USP54: variants seen among roughly 807,000 people sequenced by gnomAD.
The protein encoded by USP54 is ubiquitin carboxyl-terminal hydrolase 54.
USP54 carries 87 observed loss-of-function variants against 170.5 expected under a neutral mutation model. The observed-to-expected ratio is 0.51, with a 90% CI of 0.43 to 0.61. USP54 has a LOEUF of 0.61. Among genes scored for constraint, USP54 ranks in the 20% least tolerant of loss-of-function variants. The pLI, the probability that USP54 is intolerant of heterozygous loss-of-function variation, is 0.00. For synonymous variants in USP54, 655 were observed against 742.8 expected, an observed-to-expected ratio of 0.88 and a Z score of 1.92; for missense variants, 1,786 against 2,047.8, an observed-to-expected ratio of 0.87 and a Z score of 2.47.
intron 1 of USP54, among the ~76,000 whole-genome samples, chr10:73,605,717 C>T (rs1337421202): frequency 4.6e-5 from 7 of 151,956 alleles, no homozygotes; most frequent in East Asian, 1.9e-4. Context: ...CATTATACTA[C>T]GTGAAATAAG....
intron 23 of USP54, 119 bp downstream of exon 23, chr10:73,500,536 A>G (rs967454669): frequency 6.3e-5 from 59 of 935,280 alleles, no homozygotes; most frequent in Non-Finnish European, 1.4e-5. Flanking sequence ...AGTAATTCAT[A>G]TCTTCACACC....
Position 73,539,449 on chromosome 10 carries a change from T to G in USP54, c.970A>C (p.Lys324Gln). Residue 324 changes from lysine to glutamine, a missense_variant, in exon 10 of 24, where the codon AAG becomes CAG. Around this residue, in one of 3 missense-constraint regions of USP54, gnomAD observed 361 missense variants for 455.0 expected, o/e 0.79. Transcript: ENST00000687698. ...AAGGACTTGACTACTCCTACCTCCT[T>G]GACATGAGCATCATCAAAATACATC... ...KWMYFDDAHV[K>Q]EIGPKWKDVV... 3 of 1,610,124 alleles carry G rather than the reference T, an allele frequency of 1.9e-6. No homozygotes were observed. The highest frequency in any genetic ancestry group is 2.5e-6 in the Non-Finnish European group (3 of 1,177,572).
At chr10:73,548,123 T>C (rs1296135172) in intron 4 of USP54, among the ~76,000 whole-genome samples, 1 of 151,896 alleles carries the variant, frequency 6.6e-6, no homozygotes, top group African/African-American at 2.4e-5. Context: ...AACAGACACA[T>C]GAAAAAATGC....
rs769214090 is a variant in USP54 at position 73,504,869 on chromosome 10, G to A, written c.4292C>T (p.Pro1431Leu). Residue 1431 changes from proline (P) to leucine (L), a missense_variant, in exon 22 of 24, where the codon CCG (proline) becomes CTG (leucine). This residue lies in a region of USP54 where 1,418 missense variants were observed against 1,569.0 expected (regional missense o/e 0.90). Coordinates refer to ENST00000687698, the MANE Select transcript of USP54 (RefSeq NM_001391956.1). The part of the protein sequence containing the change: ...GTVVSEREEA[P>L]VSSHSFDSSN... Reference sequence around the variant, plus strand: ...ACTTACAAAACTGTGGGAAGAAACCGGAGCTTCCTCCCTCTCTGAGACAAC... The same window carrying A: ...ACTTACAAAACTGTGGGAAGAAACCAGAGCTTCCTCCCTCTCTGAGACAAC... 4.4e-5 allele frequency: 71 copies of A among 1,614,124 alleles called. No homozygotes were observed. The Middle Eastern group carries it at 1.2e-3, about 26-fold the overall frequency.
chr10:73,511,641 CA>C (rs2060231073), intron 20 of USP54, among the ~76,000 whole-genome samples: 1 of 151,428 alleles, frequency 6.6e-6, no homozygotes, highest in African/African-American at 2.4e-5. Context: ...GCCTGGGCAA[CA>C]GAGCGAGACT....
At chr10:73,614,771 G>A (rs1186205869) in intron 1 of USP54, among the ~76,000 whole-genome samples, 2 of 149,882 alleles carry the variant, frequency 1.3e-5, no homozygotes, top group Non-Finnish European at 2.9e-5. Flanking sequence ...CAGTTAAAGA[G>A]TTAAATAAGC....
At chr10:73,580,168 A>G (rs564132502) in intron 1 of USP54, among the ~76,000 whole-genome samples, 2 of 152,122 alleles carry the variant, frequency 1.3e-5, no homozygotes, top group East Asian at 3.9e-4. Context: ...TACTAAAAAT[A>G]CAAAAATTAG....
intron 1 of USP54, among the ~76,000 whole-genome samples, chr10:73,576,746 T>A (rs1341943829): frequency 6.6e-6 from 1 of 152,220 alleles, no homozygotes; most frequent in African/African-American, 2.4e-5. Context: ...TAAAGCACTT[T>A]TTAAAAGGTG....
rs1187394777 is a variant in USP54, at chr10:73,588,818, A to T, written c.-582+2460T>A. Among the ~76,000 whole-genome samples, 3 of 152,292 alleles carry T rather than the reference A, an allele frequency of 2.0e-5. No individual in the cohort carries two copies. The East Asian group carries it at 5.8e-4, about 29-fold the overall frequency. ...AGTTACTTTGTTTTTTGTATTTCTC[A>T]ATCAACGAATGCTCCTCCCATCTTC... On this transcript the variant is annotated intron_variant, in intron 1 of 23. Coordinates refer to ENST00000687698, the MANE Select transcript of USP54 (RefSeq NM_001391956.1).
At position 73,565,086 on chromosome 10, in the gene USP54, A is replaced by G. The variant is rs76992825; in HGVS notation, c.240+6335T>C. ...AAGATCCTATCTCTAAAAAATAATA[A>G]TACTCAATATGATTGTAGCTTTGGT... On this transcript the variant is annotated intron_variant, in intron 4 of 23. Transcript: ENST00000687698. Among the ~76,000 whole-genome samples the G allele has an allele frequency of 1.0e-3, 157 of 152,098 alleles. 1 individual carries two copies. In the East Asian group the frequency reaches 0.013, roughly 13 times the overall value.
In USP54 at chr10:73,516,750, T is replaced by G. The variant is rs2061148416; in HGVS notation, c.3676A>C (p.Arg1226=). The G allele has an allele frequency of 6.2e-7, 1 of 1,614,058 alleles. No homozygotes were observed. Among genetic ancestry groups the G allele is most frequent in the Admixed American group, 1.7e-5 (1 of 59,998 alleles). The change falls in exon 20 of 24, where the codon AGG becomes CGG. Residue 1226 remains arginine, a synonymous_variant. Transcript: ENST00000687698. ...TGGTATATGTCTGGCTCTGCCAACC[T>G]GGGCTGTCCTCCGCTAGAAGTTTCA... ...NGETSSGGQP[R]LAEPDIYQEK... is the part of the protein sequence containing the mutation.
intron 4 of USP54, among the ~76,000 whole-genome samples, chr10:73,558,277 C>T (rs1207572914): frequency 6.6e-6 from 1 of 152,068 alleles, no homozygotes; most frequent in Non-Finnish European, 1.5e-5. Flanking sequence ...TAATTAGTAA[C>T]TTGCATGCAA....
chr10:73,543,346 G>A (rs2067031766), intron 5 of USP54, among the ~76,000 whole-genome samples: 1 of 151,996 alleles, frequency 6.6e-6, no homozygotes, highest in African/African-American at 2.4e-5. Flanking sequence ...TCCTCCAACA[G>A]TAACATCTGT....
chr10:73,541,923 T>C (rs985923755), intron 7 of USP54, 185 bp from the exon 8 acceptor site: 2 of 598,348 alleles, frequency 3.3e-6, no homozygotes, highest in Non-Finnish European at 5.9e-6. Context: ...GATCCAAAGC[T>C]CATAGAATCC....
At chr10:73,564,846 T>C (rs545519066) in intron 4 of USP54, among the ~76,000 whole-genome samples, 2 of 147,002 alleles carry the variant, frequency 1.4e-5, no homozygotes, top group South Asian at 4.2e-4. Flanking sequence ...GAAGATGACT[T>C]GAGGCCAGGA....
At chr10:73,511,265 TA>T (rs2060160679) in intron 20 of USP54, among the ~76,000 whole-genome samples, 1 of 152,082 alleles carries the variant, frequency 6.6e-6, no homozygotes, top group Non-Finnish European at 1.5e-5. Context: ...AGAACTCTGA[TA>T]TAATAAAACC....
chr10:73,624,181 TA>T (rs1564974788), intron 1 of USP54, among the ~76,000 whole-genome samples: 1 of 118,364 alleles, frequency 8.4e-6, no homozygotes, highest in South Asian at 3.5e-4. Context: ...TATATATATA[TA>T]TATATATATA....
intron 3 of USP54, among the ~76,000 whole-genome samples, chr10:73,572,745 T>G (rs150828750): frequency 5.5e-4 from 84 of 152,300 alleles, no homozygotes; most frequent in Admixed American, 4.6e-4. Context: ...CCTCAATCAT[T>G]AAGTATGGAT....
intron 4 of USP54, among the ~76,000 whole-genome samples, chr10:73,555,495 C>T (rs1255207834): frequency 6.6e-6 from 1 of 152,172 alleles, no homozygotes; most frequent in Admixed American, 6.5e-5. Context: ...CTCACATATG[C>T]ACAAAGACAA....
Sources: allele counts gnomAD v4.1 joint callset (sites outside exome capture counted in the v4.1 genomes callset), GRCh38; gene constraint gnomAD v4.1.1; regional missense constraint gnomAD v4.1.1; transcripts MANE v1.5; gene names NCBI Gene and HGNC (gene_info 2026-07-23, HGNC 2026-07-21).